RAB11FIP3: variants seen among roughly 807,000 people sequenced by gnomAD.
RAB11FIP3 encodes RAB11 family interacting protein 3.
RAB11FIP3 carries 17 observed loss-of-function variants against 77.8 expected under a neutral mutation model. The observed-to-expected ratio is 0.22, with a 90% CI of 0.15 to 0.33. The LOEUF (loss-of-function observed/expected upper bound fraction) is 0.33, where lower values mean the gene tolerates loss of function less well. Among genes scored for constraint, RAB11FIP3 ranks in the 10% least tolerant of loss-of-function variants. The probability of loss-of-function intolerance (pLI) is 1.00; values close to 1 mark genes in which losing one functional copy is unlikely to be tolerated. For synonymous variants in RAB11FIP3, 437 were observed against 448.2 expected (o/e 0.98, Z 0.31); for missense variants, 1,005 against 1,011.2 (o/e 0.99, Z 0.08).
intron 3 of RAB11FIP3, among the ~76,000 whole-genome samples, chr16:473,928 A>T (rs1222252802): frequency 6.6e-6 from 1 of 151,992 alleles, no homozygotes; most frequent in Non-Finnish European, 1.5e-5. Context: ...AACGCCACGG[A>T]GCTAGAACCA....
intron 1 of RAB11FIP3, among the ~76,000 whole-genome samples, chr16:456,348 G>A (rs1330431761): frequency 6.6e-6 from 1 of 151,980 alleles, no homozygotes; most frequent in Non-Finnish European, 1.5e-5. Flanking sequence ...GCTGAGGTGG[G>A]AGAATCGCTT....
At chr16:518,817 T>G in intron 9 of RAB11FIP3, 126 bp from the exon 10 acceptor site, 1 of 849,582 alleles carries the variant, frequency 1.2e-6, no homozygotes, top group Non-Finnish European at 2.0e-6. Flanking sequence ...GGATTGGCCC[T>G]GGTCGTTTGG....
At chr16:462,648 A>ATCCCTTCCGCAGCACCG (rs2055629359) in intron 2 of RAB11FIP3, among the ~76,000 whole-genome samples, 2 of 142,576 alleles carry the variant, frequency 1.4e-5, no homozygotes, top group African/African-American at 2.8e-5. Flanking sequence ...CCCCAGCACC[A>ATCCCTTCCGCAGCACCG]TCCCTTCCGC....
chr16:514,576 C>T lies in RAB11FIP3; in HGVS notation c.1640+3776C>T, dbSNP rs530698038. On this transcript the variant is annotated intron_variant, in intron 9 of 13. Coordinates refer to ENST00000262305, the MANE Select transcript of RAB11FIP3 (RefSeq NM_014700.4). The surrounding 1 kb of genome is among the most constrained non-coding windows in gnomAD (Gnocchi z 4.6). ...TGGAGAGGCTGGAGCTTTGGACATCCTTGTTTAGGGACCGGGAAAGGAGAA... is the reference window on the plus strand; with the variant it reads ...TGGAGAGGCTGGAGCTTTGGACATCTTTGTTTAGGGACCGGGAAAGGAGAA... Among the ~76,000 whole-genome samples, 1 of 152,226 alleles carries T rather than the reference C, an allele frequency of 6.6e-6. No individual in the cohort carries two copies. The highest frequency in any genetic ancestry group is 2.1e-4 in the South Asian group (1 of 4,818).
intron 1 of RAB11FIP3, among the ~76,000 whole-genome samples, chr16:432,143 G>A (rs914695219): frequency 6.6e-6 from 1 of 152,162 alleles, no homozygotes; most frequent in African/African-American, 2.4e-5. Context: ...AACACTTTGG[G>A]AGGCCAAGGC....
chr16:435,653 A>G (rs1411468939), intron 1 of RAB11FIP3, among the ~76,000 whole-genome samples: 3 of 152,206 alleles, frequency 2.0e-5, no homozygotes, highest in Non-Finnish European at 4.4e-5. Context: ...GGTATTGGCT[A>G]TATTTCCTGT....
At chr16:497,358 G>A in intron 6 of RAB11FIP3, 4 of 1,302,894 alleles carry the variant, frequency 3.1e-6, no homozygotes, top group Non-Finnish European at 4.0e-6. Context: ...TTCCTCCCCT[G>A]CCAGTTCTTA....
chr16:495,202 G>A (rs1377558229), intron 5 of RAB11FIP3, among the ~76,000 whole-genome samples: 2 of 152,228 alleles, frequency 1.3e-5, no homozygotes, highest in Non-Finnish European at 2.9e-5. Context: ...ATGAGGCACT[G>A]GTTGGGATGA....
chr16:463,779 C>G (rs888707764), intron 2 of RAB11FIP3, among the ~76,000 whole-genome samples: 1 of 152,208 alleles, frequency 6.6e-6, no homozygotes, highest in East Asian at 1.9e-4. Flanking sequence ...TCTGTTCTTC[C>G]ACCCATGAAC....
rs183768648 is a variant in RAB11FIP3 at position 430,721 on chromosome 16, A to G, written c.714+4001A>G. ...AGGCAGGCATGACCATGCTCCGCTA[A>G]TTTAAAAAAATTGGCTGGGTGCAGT... On this transcript the variant is annotated intron_variant, in intron 1 of 13. Coordinates refer to ENST00000262305, the MANE Select transcript of RAB11FIP3 (RefSeq NM_014700.4). Among the ~76,000 whole-genome samples the G allele has an allele frequency of 1.9e-4, 29 of 151,882 alleles. No individual in the cohort carries two copies. In the East Asian group the frequency reaches 3.9e-3, roughly 20 times the overall value.
At position 520,022 on chromosome 16, in the gene RAB11FIP3, G is replaced by C. The variant is rs550289520; in HGVS notation, c.1861-100G>C. 5.2e-6 allele frequency: 8 copies of C among 1,525,422 alleles called. No individual in the cohort carries two copies. The African/African-American group carries it at 1.1e-4, about 21-fold the overall frequency. The allele number at this position is 1,525,422 out of a possible 1,614,324, so 94.5% of individuals were successfully genotyped here. ...CCGCTGGTGTGTGTCGTCCTCCCGAGAGACGGCCAGATCAACCCTGAGGTT... is the reference window on the plus strand; with the variant it reads ...CCGCTGGTGTGTGTCGTCCTCCCGACAGACGGCCAGATCAACCCTGAGGTT... On this transcript the variant is annotated intron_variant, in intron 11 of 13. Coordinates refer to ENST00000262305, the MANE Select transcript of RAB11FIP3 (RefSeq NM_014700.4).
chr16:490,011 C>T (rs966692834), intron 5 of RAB11FIP3, among the ~76,000 whole-genome samples: 2 of 152,222 alleles, frequency 1.3e-5, no homozygotes, highest in African/African-American at 4.8e-5. Context: ...GGTGTCAAGA[C>T]AAGGGCCAGA....
chr16:510,757 A>G lies in RAB11FIP3; in HGVS notation c.1597A>G (p.Met533Val), dbSNP rs1340824673. The change falls in exon 9 of 14, where the codon ATG becomes GTG. Residue 533 changes from methionine (M) to valine (V), a missense_variant. This residue lies in a region of RAB11FIP3 where 433 missense variants were observed against 436.1 expected (regional missense o/e 0.99). Transcript: ENST00000262305. ...TRRQKELLCK[M>V]EREKSIEIEN... ...GCGTCAGAAGGAGCTCCTGTGCAAG[A>G]TGGAGAGGGAGAAGAGCATTGAGAT... The G allele has an allele frequency of 6.2e-7, 1 of 1,613,410 alleles. No homozygotes were observed. The highest frequency in any genetic ancestry group is 1.1e-5 in the South Asian group (1 of 91,068).
At chr16:468,956 G>A (rs2055764156) in intron 2 of RAB11FIP3, among the ~76,000 whole-genome samples, 1 of 152,212 alleles carries the variant, frequency 6.6e-6, no homozygotes, top group African/African-American at 2.4e-5. Context: ...CATGCGCTGT[G>A]TCCAAAATGC....
rs1323081734 is a variant in RAB11FIP3, at chr16:452,829, A to C, written c.715-8575A>C. On this transcript the variant is annotated intron_variant, in intron 1 of 13. Transcript: ENST00000262305. ...AGAGTGCAGTGAGCGATCTTGGCTC[A>C]CTGCAAGCTCCACCTCCCGGGTTCA... Among the ~76,000 whole-genome samples, 4 of 70,312 alleles carry C rather than the reference A, an allele frequency of 5.7e-5. 1 individual carries two copies. Among genetic ancestry groups the C allele is most frequent in the African/African-American group, 1.9e-4 (3 of 15,468 alleles). 46.1% of individuals were successfully genotyped at this position (70,312 alleles called of 152,430 possible). A position where few individuals can be genotyped will look rare whatever the true frequency, so the allele number is the denominator to read the frequency against.
At chr16:500,098 C>T (rs573792128) in intron 6 of RAB11FIP3, among the ~76,000 whole-genome samples, 1 of 152,356 alleles carries the variant, frequency 6.6e-6, no homozygotes, top group African/African-American at 2.4e-5. Context: ...TGTTCTGTCC[C>T]TGTCCATGAG....
chr16:500,177 C>T (rs1188843316), intron 6 of RAB11FIP3, among the ~76,000 whole-genome samples: 5 of 152,214 alleles, frequency 3.3e-5, no homozygotes, highest in African/African-American at 7.2e-5. Flanking sequence ...CCGAGTCCAT[C>T]AGGACTGGAG....
chr16:478,839 G>C (rs2055975425), intron 3 of RAB11FIP3, among the ~76,000 whole-genome samples: 1 of 152,096 alleles, frequency 6.6e-6, no homozygotes, highest in Admixed American at 6.6e-5. Context: ...AGTGGTGCAT[G>C]CCTGTAATCC....
rs114519096 is a variant in RAB11FIP3 at position 440,679 on chromosome 16, G to T, written c.714+13959G>T. On this transcript the variant is annotated intron_variant, in intron 1 of 13. Transcript: ENST00000262305. ...ACAAAGATGTTCAAAATACACAGAT[G>T]CTTTTATCCCTTATGGGAAGGAAGA... Among the ~76,000 whole-genome samples, 912 of 152,368 alleles carry T rather than the reference G, an allele frequency of 6.0e-3. 9 individuals are homozygous for T. The highest frequency in any genetic ancestry group is 0.021 in the African/African-American group (864 of 41,588).
Sources: gnomAD v4.1 joint callset for allele counts (sites outside exome capture counted in the v4.1 genomes callset) on GRCh38, gnomAD v4.1.1 for gene constraint, gnomAD v4.1.1 regional missense constraint, Gnocchi (gnomAD v3.1) non-coding constraint, MANE v1.5 for transcripts, NCBI Gene and HGNC (gene_info 2026-07-23, HGNC 2026-07-21) for gene names.